Variants in CEP128 observed in about 807,000 individuals in gnomAD.
CEP128 encodes centrosomal protein 128, also known as centrosomal protein 128kDa.
A neutral mutation model predicts 156.7 loss-of-function variants in CEP128; 132 were observed. That is an observed-to-expected ratio of 0.84 (90% CI 0.73 to 0.97). CEP128 has a LOEUF of 0.97. Ranked by LOEUF, CEP128 falls within the 50% of genes least tolerant of loss-of-function variation. The pLI, the probability that CEP128 is intolerant of heterozygous loss-of-function variation, is 0.00. For missense variants in CEP128, 1,252 were observed against 1,281.9 expected (o/e 0.98, Z 0.36); for synonymous variants, 469 against 448.9 (o/e 1.04, Z -0.57).
chr14:80,814,090 ATTTGAGAT>A (rs1247831084), intron 13 of CEP128, among the ~76,000 whole-genome samples: 6 of 152,164 alleles, frequency 3.9e-5, no homozygotes, highest in Non-Finnish European at 8.8e-5. Context: ...CTCTTGCTGC[ATTTGAGAT>A]TCTGCACATT....
intron 8 of CEP128, among the ~76,000 whole-genome samples, chr14:80,888,582 G>A (rs187048914): frequency 3.3e-5 from 5 of 152,122 alleles, no homozygotes; most frequent in South Asian, 4.2e-4. Flanking sequence ...ATTCAACAGC[G>A]CTTCATGCTA....
intron 2 of CEP128, chr14:80,955,199 T>C (rs1162892229): frequency 4.2e-6 from 1 of 239,108 alleles, no homozygotes; most frequent in African/African-American, 2.2e-5. Flanking sequence ...GGACTTTCTC[T>C]GGATAAGGAG....
At chr14:80,517,634 T>C (rs906476548) in intron 23 of CEP128, among the ~76,000 whole-genome samples, 3 of 152,194 alleles carry the variant, frequency 2.0e-5, no homozygotes, top group African/African-American at 7.2e-5. Flanking sequence ...ATTTGTTTTA[T>C]TGTTACTGGG....
At chr14:80,530,473 T>C (rs1566760318) in intron 22 of CEP128, among the ~76,000 whole-genome samples, 1 of 152,236 alleles carries the variant, frequency 6.6e-6, no homozygotes, top group Non-Finnish European at 1.5e-5. Context: ...CAAATTAAAA[T>C]TGCTAACCAA....
intron 8 of CEP128, among the ~76,000 whole-genome samples, chr14:80,872,317 T>C (rs1888069361): frequency 6.6e-6 from 1 of 152,198 alleles, no homozygotes; most frequent in African/African-American, 2.4e-5. Flanking sequence ...CATGACATCA[T>C]ACTATAAACA....
At position 80,831,189 on chromosome 14, in the gene CEP128, A is replaced by G. The variant is rs749408532; in HGVS notation, c.1163T>C (p.Met388Thr). 9 of 1,614,004 alleles carry G rather than the reference A, an allele frequency of 5.6e-6. No individual in the cohort carries two copies. Among genetic ancestry groups the G allele is most frequent in the East Asian group, 2.2e-5 (1 of 44,864 alleles). Residue 388 changes from methionine (M) to threonine (T), a missense_variant, in exon 13 of 25, where the codon ATG becomes ACG. Met to Thr is a moderately conservative substitution (Grantham distance 81, BLOSUM62 -1). Coordinates refer to ENST00000555265, the MANE Select transcript of CEP128 (RefSeq NM_152446.5). ...ASELEEVKRC[M>T]ERKDKEKAHL... Reference sequence around the variant, plus strand: ...TGCTTTCTCCTTGTCTTTTCTCTCCATGCACCGTTTCACTTCCTCTAACTC... The same window carrying G: ...TGCTTTCTCCTTGTCTTTTCTCTCCGTGCACCGTTTCACTTCCTCTAACTC...
intron 20 of CEP128, among the ~76,000 whole-genome samples, chr14:80,561,782 G>A (rs574872567): frequency 6.6e-6 from 1 of 152,042 alleles, no homozygotes; most frequent in East Asian, 1.9e-4. Flanking sequence ...TATAAGTTGT[G>A]TATGAGTACC....
chr14:80,825,001 C>T (rs372470321), intron 13 of CEP128, among the ~76,000 whole-genome samples: 11 of 152,188 alleles, frequency 7.2e-5, no homozygotes, highest in South Asian at 4.2e-4. Flanking sequence ...AGAGTCATCG[C>T]GGAAGGTGAA....
chr14:80,505,924 A>G (rs1164030526), intron 23 of CEP128, among the ~76,000 whole-genome samples: 1 of 152,214 alleles, frequency 6.6e-6, no homozygotes, highest in Non-Finnish European at 1.5e-5. Context: ...TGGGGTCTAC[A>G]GTCAGAAAGC....
chr14:80,501,747 G>A lies in CEP128; in HGVS notation c.3181+3165C>T, dbSNP rs540192812. Among the ~76,000 whole-genome samples the A allele has an allele frequency of 4.0e-5, 6 of 151,864 alleles. No individual in the cohort carries two copies. The South Asian group carries it at 6.2e-4, about 16-fold the overall frequency. On this transcript the variant is annotated intron_variant, in intron 24 of 24. Coordinates refer to ENST00000555265, the MANE Select transcript of CEP128 (RefSeq NM_152446.5). Reference sequence around the variant, plus strand: ...TCTCGATCTCCAGACCTCGCGATCCGCCCACCTCGGCCTCCCACCTCCTTT... The same window carrying A: ...TCTCGATCTCCAGACCTCGCGATCCACCCACCTCGGCCTCCCACCTCCTTT...
chr14:80,895,731 TG>T lies in CEP128; in HGVS notation c.631del (p.Gln211ArgfsTer46). The T allele has an allele frequency of 6.3e-7, 1 of 1,577,360 alleles. No homozygotes were observed. Among genetic ancestry groups the T allele is most frequent in the South Asian group, 1.2e-5 (1 of 85,390 alleles). On this transcript the variant is annotated frameshift_variant, in exon 8 of 25. Coordinates refer to ENST00000555265, the MANE Select transcript of CEP128 (RefSeq NM_152446.5). LOFTEE classifies it high-confidence loss of function. ...EELTEKLNEA[Q>X]KQEVVSDRVE... ...AAGAGATCTCACCACTTCTTGTTTCTGGGCTTCATTAAGTTTTTCAGTCAAT... is the reference window on the plus strand; with the variant it reads ...AAGAGATCTCACCACTTCTTGTTTCTGGCTTCATTAAGTTTTTCAGTCAAT...
At chr14:80,814,634 G>C (rs1188575757) in intron 13 of CEP128, among the ~76,000 whole-genome samples, 2 of 152,150 alleles carry the variant, frequency 1.3e-5, no homozygotes, top group South Asian at 2.1e-4. Context: ...TGTGAGACAT[G>C]ACTATAAAAA....
At chr14:80,825,942 C>T (rs327450) in intron 13 of CEP128, among the ~76,000 whole-genome samples, 129,707 of 151,626 alleles carry the variant, frequency 0.86, 55,709 homozygotes, top group East Asian at 0.99. Context: ...CCCGTCTCTA[C>T]TAAAAATACA....
At chr14:80,575,429 T>C (rs1486237193) in intron 20 of CEP128, among the ~76,000 whole-genome samples, 1 of 152,156 alleles carries the variant, frequency 6.6e-6, no homozygotes, top group Non-Finnish European at 1.5e-5. Context: ...ATTTAGCAGC[T>C]GGCCAAAGAC....
In CEP128 at chr14:80,561,304, A is replaced by T. The variant is rs562863734; in HGVS notation, c.2857-2002T>A. 9.2e-4 allele frequency among the ~76,000 whole-genome samples: 140 copies of T among 152,330 alleles called. 1 individual carries two copies. Among genetic ancestry groups the T allele is most frequent in the African/African-American group, 3.2e-3 (135 of 41,574 alleles). On this transcript the variant is annotated intron_variant, in intron 20 of 24. Transcript: ENST00000555265. ...TTAAGAGGGCCTCACCCTTACCCTC[A>T]TAATTTTCATAAAATAACTGCTATG...
chr14:80,831,441 G>T, intron 12 of CEP128, 147 bp from the exon 13 acceptor site: 1 of 728,596 alleles, frequency 1.4e-6, no homozygotes, highest in African/African-American at 1.8e-5. Context: ...CCAGCCTGTT[G>T]TTTCAAGTTT....
chr14:80,737,181 G>A (rs565475832), intron 19 of CEP128, among the ~76,000 whole-genome samples: 2 of 152,220 alleles, frequency 1.3e-5, no homozygotes, highest in African/African-American at 2.4e-5. Flanking sequence ...CGAGGCGGGT[G>A]GATCACAAGG....
At chr14:80,632,548 T>C (rs1341588670) in intron 19 of CEP128, among the ~76,000 whole-genome samples, 1 of 149,232 alleles carries the variant, frequency 6.7e-6, no homozygotes, top group Non-Finnish European at 1.5e-5. Context: ...TCCATCATAC[T>C]ATATATAATA....
chr14:80,759,284 T>C (rs1185675601), intron 17 of CEP128, among the ~76,000 whole-genome samples: 1 of 152,222 alleles, frequency 6.6e-6, no homozygotes, highest in East Asian at 1.9e-4. Flanking sequence ...ACTCATTTAT[T>C]ACATATCTAT....
Sources: allele counts gnomAD v4.1 joint callset (sites outside exome capture counted in the v4.1 genomes callset), GRCh38; gene constraint gnomAD v4.1.1; transcripts MANE v1.5; gene names NCBI Gene and HGNC (gene_info 2026-07-23, HGNC 2026-07-21).